MELK: variants seen among roughly 807,000 people sequenced by gnomAD.
MELK encodes pEg3 kinase.
A neutral mutation model predicts 85.0 loss-of-function variants in MELK; 81 were observed. The observed-to-expected ratio is 0.95, with a 90% CI of 0.80 to 1.15. The LOEUF is 1.15. Ranked by LOEUF, MELK falls within the 50% of genes most tolerant of loss-of-function variation. MELK has a pLI of 0.00. For synonymous variants in MELK, 252 were observed against 265.0 expected (o/e 0.95, Z 0.48); for missense variants, 754 against 777.5 (o/e 0.97, Z 0.36).
intron 1 of MELK, among the ~76,000 whole-genome samples, chr9:36,574,228 T>C (rs567584679): frequency 6.6e-6 from 1 of 151,966 alleles, no homozygotes; most frequent in Non-Finnish European, 1.5e-5. Context: ...TTGTTGGTGC[T>C]CCCAGAAGCC....
chr9:36,643,447 CTTTAT>C (rs1218449560), intron 11 of MELK, among the ~76,000 whole-genome samples: 1 of 152,070 alleles, frequency 6.6e-6, no homozygotes, highest in African/African-American at 2.4e-5. Context: ...TTTCATTGTT[CTTTAT>C]TTTATCAGTA....
intron 10 of MELK, among the ~76,000 whole-genome samples, chr9:36,636,510 A>T (rs1049514206): frequency 2.6e-5 from 4 of 151,928 alleles, no homozygotes; most frequent in Middle Eastern, 3.4e-3. Context: ...CTCAAAAAAT[A>T]AATTAATTAA....
At chr9:36,664,245 A>G (rs776856815) in intron 13 of MELK, among the ~76,000 whole-genome samples, 1 of 152,162 alleles carries the variant, frequency 6.6e-6, no homozygotes, top group Non-Finnish European at 1.5e-5. Flanking sequence ...TTAAACATGC[A>G]AACATACTTA....
At chr9:36,599,249 C>T (rs552747200) in intron 6 of MELK, 145 bp from the exon 7 acceptor site, 9 of 480,482 alleles carry the variant, frequency 1.9e-5, no homozygotes, top group East Asian at 3.9e-5. Context: ...TGCAGTGAGC[C>T]GAGATTGCGC....
At chr9:36,635,659 G>T (rs139470239) in intron 10 of MELK, among the ~76,000 whole-genome samples, 2 of 152,080 alleles carry the variant, frequency 1.3e-5, no homozygotes, top group Non-Finnish European at 2.9e-5. Context: ...TTTGACCTTG[G>T]AGACTCTCAG....
chr9:36,616,757 A>G (rs1409727332), intron 8 of MELK, among the ~76,000 whole-genome samples: 3 of 150,848 alleles, frequency 2.0e-5, no homozygotes, highest in Non-Finnish European at 4.4e-5. Flanking sequence ...TTTTTTTCAG[A>G]CATTAGCCTG....
intron 3 of MELK, among the ~76,000 whole-genome samples, chr9:36,585,217 G>A (rs970323342): frequency 4.0e-5 from 6 of 151,406 alleles, no homozygotes. Flanking sequence ...CTCTTTTGGT[G>A]GTTTTTCTGG....
In MELK at chr9:36,677,146, C is replaced by G. The variant is rs1429723082; in HGVS notation, c.1779-14C>G. ...GTTCTCCTACTAACTAGCTTCTTAT[C>G]TTGTTTTTCACAGTTATACACTGAA... is the stretch of plus-strand genomic sequence containing the variant. On this transcript the variant is annotated splice_polypyrimidine_tract_variant and intron_variant, in intron 17 of 17. Coordinates refer to ENST00000298048, the MANE Select transcript of MELK (RefSeq NM_014791.4). 3 of 1,606,324 alleles carry G rather than the reference C, an allele frequency of 1.9e-6. No individual in the cohort carries two copies. The South Asian group carries it at 3.3e-5, about 18-fold the overall frequency.
chr9:36,600,409 A>C (rs1824794775), intron 7 of MELK, among the ~76,000 whole-genome samples: 2 of 151,738 alleles, frequency 1.3e-5, no homozygotes, highest in African/African-American at 4.8e-5. Flanking sequence ...TTGGAGATGG[A>C]GTCTCACTCT....
intron 2 of MELK, 28 bp downstream of exon 2, chr9:36,581,767 T>G: frequency 6.5e-7 from 1 of 1,529,616 alleles, no homozygotes; most frequent in Non-Finnish European, 9.0e-7. Flanking sequence ...TTGGAGGCAG[T>G]GGATAGATCA....
At chr9:36,585,689 C>CA (rs1021735359) in intron 3 of MELK, among the ~76,000 whole-genome samples, 24 of 152,198 alleles carry the variant, frequency 1.6e-4, no homozygotes, top group African/African-American at 5.5e-4. Context: ...GTAATTCCAG[C>CA]ACTTTGGGAA....
At chr9:36,596,563 G>GTTTTTTTTTTT in intron 5 of MELK, among the ~76,000 whole-genome samples, 1 of 106,134 alleles carries the variant, frequency 9.4e-6, no homozygotes, top group Non-Finnish European at 1.8e-5. Context: ...GGCCCTTTTT[G>GTTTTTTTTTTT]TTTTTTTTGT....
chr9:36,665,535 G>T lies in MELK; in HGVS notation c.1362G>T (p.Lys454Asn). The change falls in exon 14 of 18, where the codon AAG becomes AAT. Residue 454 changes from lysine to asparagine, a missense_variant. Coordinates refer to ENST00000298048, the MANE Select transcript of MELK (RefSeq NM_014791.4). ...CTCCAGTTAATAAGAACCAGCATAAGAGAGAAATACTCACTACGCCAAATC... is the reference window on the plus strand; with the variant it reads ...CTCCAGTTAATAAGAACCAGCATAATAGAGAAATACTCACTACGCCAAATC... ...PKTPVNKNQH[K>N]REILTTPNRY... 6.2e-7 allele frequency: 1 copy of T among 1,613,896 alleles called. No homozygotes were observed. The highest frequency in any genetic ancestry group is 2.2e-5 in the East Asian group (1 of 44,812).
At chr9:36,645,692 C>T (rs1262783840) in intron 11 of MELK, among the ~76,000 whole-genome samples, 2 of 152,078 alleles carry the variant, frequency 1.3e-5, no homozygotes, top group African/African-American at 4.8e-5. Flanking sequence ...AGGTCTCAAC[C>T]CCACAGATGA....
chr9:36,656,646 T>A (rs2137450709), intron 12 of MELK, among the ~76,000 whole-genome samples: 1 of 152,228 alleles, frequency 6.6e-6, no homozygotes, highest in Non-Finnish European at 1.5e-5. Context: ...CTTTTTTTTT[T>A]AGACAGAGTC....
intron 8 of MELK, among the ~76,000 whole-genome samples, chr9:36,629,847 T>G (rs915902935): frequency 3.6e-4 from 53 of 147,366 alleles, no homozygotes; most frequent in Middle Eastern, 6.9e-3. Flanking sequence ...GAAATTGTTT[T>G]TTTTTTTTTT....
At chr9:36,649,566 C>G (rs1420257386) in intron 11 of MELK, among the ~76,000 whole-genome samples, 3 of 151,766 alleles carry the variant, frequency 2.0e-5, no homozygotes, top group Non-Finnish European at 4.4e-5. Flanking sequence ...ACCAGGAGTT[C>G]GAGACCAGCC....
At chr9:36,668,833 A>G (rs1832628363) in intron 14 of MELK, among the ~76,000 whole-genome samples, 1 of 152,166 alleles carries the variant, frequency 6.6e-6, no homozygotes, top group African/African-American at 2.4e-5. Flanking sequence ...TCTCTTTAAT[A>G]ACTTATGTCA....
intron 4 of MELK, among the ~76,000 whole-genome samples, chr9:36,592,393 C>T (rs1229228471): frequency 6.6e-6 from 1 of 152,006 alleles, no homozygotes; most frequent in African/African-American, 2.4e-5. Flanking sequence ...CCAGGCTGGT[C>T]TCAAACTTCT....
Sources: gnomAD v4.1 joint callset for allele counts (sites outside exome capture counted in the v4.1 genomes callset) on GRCh38, gnomAD v4.1.1 for gene constraint, MANE v1.5 for transcripts, NCBI Gene and HGNC (gene_info 2026-07-23, HGNC 2026-07-21) for gene names.